Variants in PRDX1 observed in about 807,000 individuals in gnomAD.
PRDX1 encodes the protein peroxiredoxin 1.
In PRDX1, 19 loss-of-function variants were observed where a neutral mutation model predicts 20.7. The ratio of observed to expected loss-of-function variants is 0.92; its 90% CI spans 0.64 to 1.35. The LOEUF is 1.35. Ranked by LOEUF, PRDX1 falls within the 40% of genes most tolerant of loss-of-function variation. The pLI, the probability that PRDX1 is intolerant of heterozygous loss-of-function variation, is 0.00. For missense variants in PRDX1, 226 were observed against 240.0 expected (o/e 0.94, Z 0.38); for synonymous variants, 89 against 83.9 (o/e 1.06, Z -0.33).
intron 5 of PRDX1, among the ~76,000 whole-genome samples, chr1:45,513,854 T>G (rs981607280): frequency 6.6e-6 from 1 of 152,174 alleles, no homozygotes; most frequent in African/African-American, 2.4e-5. Context: ...GTCCAAGGTT[T>G]CTCCCCATGT....
At position 45,519,034 on chromosome 1, in the gene PRDX1, C is replaced by G. The variant is rs1643886186; in HGVS notation, c.10G>C (p.Gly4Arg). MSS[G>R]NAKIGHPAPN... is the part of the protein sequence containing the mutation. ...GCAGGGTGCCCAATTTTAGCATTTC[C>G]TGAAGACATCTTCCTATCAGCTAGA... Residue 4 changes from glycine to arginine, a missense_variant, in exon 2 of 6, where the codon GGA (glycine) becomes CGA (arginine). Physicochemically the swap from Gly to Arg is moderately radical, Grantham distance 125. Transcript: ENST00000319248. 6.3e-7 allele frequency: 1 copy of G among 1,582,906 alleles called. No individual in the cohort carries two copies. Among genetic ancestry groups the G allele is most frequent in the African/African-American group, 1.4e-5 (1 of 73,264 alleles).
chr1:45,520,847 T>TA, intron 1 of PRDX1, among the ~76,000 whole-genome samples: 1 of 151,988 alleles, frequency 6.6e-6, no homozygotes, highest in South Asian at 2.1e-4. Context: ...GGGGTTGCAG[T>TA]AAGCCGAGAC....
chr1:45,512,154 C>G (rs1346485481), intron 5 of PRDX1: 1 of 137,622 alleles, frequency 7.3e-6, no homozygotes, highest in Non-Finnish European at 1.5e-5. Context: ...TCTCCACCTC[C>G]GTCTCACTGC....
intron 2 of PRDX1, among the ~76,000 whole-genome samples, chr1:45,517,989 T>C (rs1355566736): frequency 1.3e-5 from 2 of 151,990 alleles, no homozygotes; most frequent in East Asian, 1.9e-4. Flanking sequence ...AGACTTTAAA[T>C]GTAGAATGTC....
chr1:45,516,889 C>T (rs1277598346), intron 2 of PRDX1, among the ~76,000 whole-genome samples: 2 of 151,720 alleles, frequency 1.3e-5, no homozygotes, highest in Non-Finnish European at 2.9e-5. Flanking sequence ...GGTGTGACAG[C>T]GGGGGCCTGA....
intron 5 of PRDX1, chr1:45,513,458 C>A (rs1161534691): frequency 6.6e-6 from 1 of 152,236 alleles, no homozygotes; most frequent in African/African-American, 2.4e-5. Flanking sequence ...AAGAGAGATA[C>A]CCATTTTCTT....
chr1:45,520,334 G>A (rs1643898777), intron 1 of PRDX1, among the ~76,000 whole-genome samples: 1 of 151,198 alleles, frequency 6.6e-6, no homozygotes, highest in East Asian at 1.9e-4. Context: ...CCTGACTTTG[G>A]GGCTAATATC....
chr1:45,521,302 CAG>C (rs769736921), intron 1 of PRDX1, among the ~76,000 whole-genome samples: 10 of 152,192 alleles, frequency 6.6e-5, no homozygotes, highest in African/African-American at 1.2e-4. Context: ...AAAGCACCAG[CAG>C]AGAGAGTGCT....
intron 3 of PRDX1, 133 bp from the exon 4 acceptor site, chr1:45,515,128 G>T: frequency 2.3e-6 from 3 of 1,298,632 alleles, no homozygotes; most frequent in Non-Finnish European, 3.2e-6. Flanking sequence ...CAGCAATAAA[G>T]TGAATGCTGA....
intron 5 of PRDX1, among the ~76,000 whole-genome samples, chr1:45,514,034 T>G (rs1229209831): frequency 6.6e-6 from 1 of 152,180 alleles, no homozygotes; most frequent in Non-Finnish European, 1.5e-5. Context: ...AATGTCTCAG[T>G]GTAAAACCCA....
chr1:45,520,205 CAAAAAAAAA>C (rs59260423), intron 1 of PRDX1, among the ~76,000 whole-genome samples: 22 of 91,026 alleles, frequency 2.4e-4, no homozygotes, highest in East Asian at 6.0e-4. Context: ...ACTCTGTCTC[CAAAAAAAAA>C]AAAAAAAAAA....
chr1:45,515,033 CTT>C, intron 3 of PRDX1, 38 bp from the exon 4 acceptor site: 1 of 1,609,772 alleles, frequency 6.2e-7, no homozygotes, highest in Non-Finnish European at 8.5e-7. Flanking sequence ...CATTCAAACT[CTT>C]GACTTGACTG....
chr1:45,518,400 G>A (rs888532263), intron 2 of PRDX1, among the ~76,000 whole-genome samples: 6 of 147,624 alleles, frequency 4.1e-5, no homozygotes, highest in Non-Finnish European at 5.9e-5. Flanking sequence ...CTGGGCAGTG[G>A]AGGTTGTGGT....
At position 45,514,491 on chromosome 1, in the gene PRDX1, C is replaced by G. The variant is rs368230259; in HGVS notation, c.514+16G>C. The G allele has an allele frequency of 1.9e-6, 3 of 1,613,942 alleles. No individual in the cohort carries two copies. On this transcript the variant is annotated intron_variant, in intron 5 of 5. Coordinates refer to ENST00000319248, the MANE Select transcript of PRDX1 (RefSeq NM_181697.3). ...TACCACCACTCTGTTGTCCTGTTAT[C>G]AGACAGATGGCTTACCTTCCCCATG...
At position 45,511,383 on chromosome 1, in the gene PRDX1, A is replaced by G. The variant is rs766611771; in HGVS notation, c.546T>C (p.Asp182=). ...TCTTTTGGACATCAGGCTTGATGGT[A>G]TCACTGCCAGGTTTCCAGCCAGCTG... The part of the protein sequence containing the change: ...VCPAGWKPGS[D]TIKPDVQKSK... Residue 182 remains aspartate, a synonymous_variant, in exon 6 of 6, where the codon GAT becomes GAC. Transcript: ENST00000319248. 2 of 1,613,246 alleles carry G rather than the reference A, an allele frequency of 1.2e-6. No homozygotes were observed.
intron 2 of PRDX1, among the ~76,000 whole-genome samples, chr1:45,518,467 CAAAAA>C (rs35407028): frequency 6.2e-5 from 3 of 48,068 alleles, no homozygotes; most frequent in African/African-American, 2.9e-4. Flanking sequence ...AACTCCATCT[CAAAAA>C]AAAAAAAAAA....
At chr1:45,513,754 A>C (rs548631396) in intron 5 of PRDX1, among the ~76,000 whole-genome samples, 1 of 152,350 alleles carries the variant, frequency 6.6e-6, no homozygotes, top group South Asian at 2.1e-4. Context: ...GCTCGTTTTA[A>C]GAGTCATCAC....
At chr1:45,513,727 ATGCTTGAAGGCAGCATGCTCGTTT>A in intron 5 of PRDX1, among the ~76,000 whole-genome samples, 1 of 152,352 alleles carries the variant, frequency 6.6e-6, no homozygotes, top group East Asian at 1.9e-4. Flanking sequence ...GTTAAAACAA[ATGCTTGAAGGCAGCATGCTCGTTT>A]TAAGAGTCAT....
intron 1 of PRDX1, 164 bp downstream of exon 1, chr1:45,521,665 G>C (rs1643914755): frequency 6.6e-6 from 1 of 152,310 alleles, no homozygotes; most frequent in African/African-American, 2.4e-5. Context: ...AGGGGTGTGC[G>C]CAGCGCTCAA....
Sources: gnomAD v4.1 joint callset for allele counts (sites outside exome capture counted in the v4.1 genomes callset) on GRCh38, gnomAD v4.1.1 for gene constraint, MANE v1.5 for transcripts, NCBI Gene and HGNC (gene_info 2026-07-23, HGNC 2026-07-21) for gene names.